Variants in SEMA6D observed in about 807,000 individuals in gnomAD.
SEMA6D encodes semaphorin 6D.
Under a neutral mutation model 106.6 loss-of-function variants are expected in SEMA6D, and 35 were observed. That is an observed-to-expected ratio of 0.33 (90% CI 0.25 to 0.44). SEMA6D has a LOEUF of 0.44. Ranked by LOEUF, SEMA6D falls within the 20% of genes least tolerant of loss-of-function variation. The probability of loss-of-function intolerance (pLI) is 1.00; values close to 1 mark genes in which losing one functional copy is unlikely to be tolerated. For synonymous variants in SEMA6D, 499 were observed against 487.7 expected (o/e 1.02, Z -0.31); for missense variants, 1,185 against 1,345.9 (o/e 0.88, Z 1.87).
At chr15:47,352,758 A>G (rs1389973725) in intron 1 of SEMA6D, among the ~76,000 whole-genome samples, 2 of 152,178 alleles carry the variant, frequency 1.3e-5, no homozygotes, top group Non-Finnish European at 2.9e-5. Flanking sequence ...GTCGAATTGA[A>G]TAGTATATAC....
chr15:47,506,935 C>CT (rs1488632313), intron 3 of SEMA6D, among the ~76,000 whole-genome samples: 1 of 152,134 alleles, frequency 6.6e-6, no homozygotes, highest in Admixed American at 6.5e-5. Context: ...TCAAGTCAGG[C>CT]TTTAGGCATC....
In SEMA6D at chr15:47,764,673, C is replaced by T; in HGVS notation, c.1133C>T (p.Ala378Val). Residue 378 changes from alanine (A) to valine (V), a missense_variant, in exon 12 of 19, where the codon GCT (alanine) becomes GTT (valine). Ala to Val is a moderately conservative substitution (Grantham distance 64). Coordinates refer to ENST00000536845, the MANE Select transcript of SEMA6D (RefSeq NM_001358351.3). ...GCCAKHGLAE[A>V]YKTSIDFPDE... Reference sequence around the variant, plus strand: ...TGTGCAAAACACGGCCTTGCCGAAGCTTATAAAACCTCCATCGATTTCCCG... The same window carrying T: ...TGTGCAAAACACGGCCTTGCCGAAGTTTATAAAACCTCCATCGATTTCCCG... The T allele has an allele frequency of 1.9e-6, 3 of 1,614,032 alleles. No homozygotes were observed. The highest frequency in any genetic ancestry group is 2.5e-6 in the Non-Finnish European group (3 of 1,179,888).
chr15:47,630,251 C>G (rs2077270205), intron 4 of SEMA6D, among the ~76,000 whole-genome samples: 1 of 151,882 alleles, frequency 6.6e-6, no homozygotes, highest in Admixed American at 6.6e-5. Context: ...GTTGTTCTAA[C>G]TGTGGTGAAA....
Position 47,557,033 on chromosome 15 carries a change from T to C in SEMA6D, c.-86-43832T>C, listed in dbSNP as rs186619541. Among the ~76,000 whole-genome samples the C allele has an allele frequency of 6.6e-5, 10 of 152,244 alleles. No homozygotes were observed. The East Asian group carries it at 1.9e-3, about 29-fold the overall frequency. On this transcript the variant is annotated intron_variant, in intron 3 of 19. Coordinates refer to the SEMA6D transcript ENST00000558014. Reference sequence around the variant, plus strand: ...CTTCTCATGATTAAAAGAGACAATGTAGAGCATCTGATAGAGAATCTGACT... The same window carrying C: ...CTTCTCATGATTAAAAGAGACAATGCAGAGCATCTGATAGAGAATCTGACT...
chr15:47,413,671 T>C (rs1001029879), intron 2 of SEMA6D, among the ~76,000 whole-genome samples: 2 of 152,120 alleles, frequency 1.3e-5, no homozygotes, highest in African/African-American at 4.8e-5. Flanking sequence ...ATTATAGAGA[T>C]AGGGTATCAC....
intron 15 of SEMA6D, 30 bp downstream of exon 15, chr15:47,766,212 T>A (rs905591206): frequency 3.4e-5 from 54 of 1,575,764 alleles, no homozygotes; most frequent in Non-Finnish European, 4.5e-5. Flanking sequence ...TGAGCTAGGA[T>A]GAACTATCCT....
intron 1 of SEMA6D, among the ~76,000 whole-genome samples, chr15:47,408,383 T>G (rs987885731): frequency 6.6e-6 from 1 of 152,188 alleles, no homozygotes; most frequent in Non-Finnish European, 1.5e-5. Flanking sequence ...GAACAAAAAC[T>G]AACAAAAATA....
rs553898291 is a variant in SEMA6D, at chr15:47,703,507, C to A, written c.-54-56238C>A. ...CAAACTTTCACGTGCATCACTATTC[C>A]TGTGGAAAAAAAAATGAAAGGAACC... is the stretch of plus-strand genomic sequence containing the variant. On this transcript the variant is annotated intron_variant, in intron 4 of 19. Coordinates refer to the SEMA6D transcript ENST00000558014. 1.4e-3 allele frequency among the ~76,000 whole-genome samples: 206 copies of A among 151,926 alleles called. 1 individual carries two copies. The highest frequency in any genetic ancestry group is 4.8e-3 in the African/African-American group (198 of 41,452).
chr15:47,741,885 G>A (rs1421348959), intron 1 of SEMA6D, among the ~76,000 whole-genome samples: 1 of 152,200 alleles, frequency 6.6e-6, no homozygotes. Context: ...AAGACAGGAG[G>A]TAGATGAGCA....
intron 4 of SEMA6D, among the ~76,000 whole-genome samples, chr15:47,604,599 T>TA (rs2076736567): frequency 1.3e-5 from 2 of 152,232 alleles, no homozygotes; most frequent in Non-Finnish European, 2.9e-5. Flanking sequence ...ATGTTACACT[T>TA]ACAATATTTG....
At position 47,763,757 on chromosome 15, in the gene SEMA6D, A is replaced by C. The variant is rs2082188556; in HGVS notation, c.748-93A>C. Reference sequence around the variant, plus strand: ...ATTTTTTTGAACCAGATGTATCTTTAGTATTTTTTGTCCCTCCCTTAAACA... The same window carrying C: ...ATTTTTTTGAACCAGATGTATCTTTCGTATTTTTTGTCCCTCCCTTAAACA... On this transcript the variant is annotated intron_variant, in intron 9 of 18. Transcript: ENST00000536845. 3 of 1,065,244 alleles carry C rather than the reference A, an allele frequency of 2.8e-6. No homozygotes were observed. In the Admixed American group the frequency reaches 5.2e-5, roughly 18 times the overall value. 66.0% of individuals were successfully genotyped at this position (1,065,244 alleles called of 1,614,324 possible).
At chr15:47,317,722 G>C (rs888469781) in intron 1 of SEMA6D, among the ~76,000 whole-genome samples, 1 of 152,112 alleles carries the variant, frequency 6.6e-6, no homozygotes, top group African/African-American at 2.4e-5. Context: ...AGTCAGATAT[G>C]ATTCTTATCT....
intron 2 of SEMA6D, among the ~76,000 whole-genome samples, chr15:47,462,269 C>T (rs201338376): frequency 6.6e-6 from 1 of 152,060 alleles, no homozygotes; most frequent in South Asian, 2.1e-4. Context: ...CATTATGACT[C>T]GTTTCACCAA....
At chr15:47,259,807 T>A (rs2033983199) in intron 1 of SEMA6D, among the ~76,000 whole-genome samples, 1 of 152,156 alleles carries the variant, frequency 6.6e-6, no homozygotes, top group African/African-American at 2.4e-5. Context: ...ACATTGATGA[T>A]ATGAGTGTTG....
intron 1 of SEMA6D, among the ~76,000 whole-genome samples, chr15:47,288,367 C>G (rs936689344): frequency 6.6e-6 from 1 of 152,154 alleles, no homozygotes; most frequent in African/African-American, 2.4e-5. Context: ...GAAGATCTAA[C>G]CTGGGCAGTG....
chr15:47,745,710 C>T (rs142979738), intron 1 of SEMA6D, among the ~76,000 whole-genome samples: 17 of 152,282 alleles, frequency 1.1e-4, no homozygotes, highest in East Asian at 1.9e-4. Context: ...TTAGCCTGGG[C>T]GCTCCCTGAG....
chr15:47,218,345 G>T (rs981191974), intron 1 of SEMA6D, among the ~76,000 whole-genome samples: 1 of 152,050 alleles, frequency 6.6e-6, no homozygotes, highest in Non-Finnish European at 1.5e-5. Flanking sequence ...ACCACATGAG[G>T]CTCTGCTTCT....
intron 11 of SEMA6D, 58 bp from the exon 12 acceptor site, chr15:47,764,580 C>T (rs1200505074): frequency 2.5e-6 from 4 of 1,595,074 alleles, no homozygotes; most frequent in African/African-American, 1.3e-5. Context: ...TCCTTAGATA[C>T]AGTACATGGT....
At chr15:47,731,719 A>G (rs557856348) in intron 1 of SEMA6D, among the ~76,000 whole-genome samples, 1 of 152,164 alleles carries the variant, frequency 6.6e-6, no homozygotes, top group Non-Finnish European at 1.5e-5. Flanking sequence ...TTTTTCCACA[A>G]TTATTCCTGC....
Sources: gnomAD v4.1 joint callset for allele counts (sites outside exome capture counted in the v4.1 genomes callset) on GRCh38, gnomAD v4.1.1 for gene constraint, MANE v1.5 for transcripts, NCBI Gene and HGNC (gene_info 2026-07-23, HGNC 2026-07-21) for gene names.